GDF11: variants seen among roughly 807,000 people sequenced by gnomAD.
GDF11 encodes growth differentiation factor 11.
GDF11 carries 12 observed loss-of-function variants against 34.4 expected under a neutral mutation model. The observed-to-expected ratio is 0.35, with a 90% CI of 0.22 to 0.57. The LOEUF (loss-of-function observed/expected upper bound fraction) is 0.57. GDF11 is among the 20% of genes least tolerant of loss of function. GDF11 has a pLI of 0.86. For missense variants in GDF11, 346 were observed against 548.2 expected (o/e 0.63, Z 3.68); for synonymous variants, 212 against 231.1 (o/e 0.92, Z 0.75).
Position 55,748,505 on chromosome 12 carries a change from C to A in GDF11, c.446-81C>A. Reference sequence around the variant, plus strand: ...AACTGGAAAATCAGGCTGAGAAGTCCAAAATTGCCAGTGCCACCCAGGACT... The same window carrying A: ...AACTGGAAAATCAGGCTGAGAAGTCAAAAATTGCCAGTGCCACCCAGGACT... On this transcript the variant is annotated intron_variant, in intron 1 of 2. Transcript: ENST00000257868. This position sits in a 1 kb window ranked among gnomAD's most constrained non-coding sequence, Gnocchi z 5.6. 7.3e-7 allele frequency: 1 copy of A among 1,361,846 alleles called. No homozygotes were observed. The highest frequency in any genetic ancestry group is 1.4e-5 in the African/African-American group (1 of 68,990). The allele number at this position is 1,361,846 out of a possible 1,614,324, so 84.4% of individuals were successfully genotyped here.
rs774447191 is a variant in GDF11, at chr12:55,754,039, G to A, written c.*4157G>A. On this transcript the variant is annotated 3_prime_UTR_variant, in exon 3 of 3. Coordinates refer to ENST00000257868, the MANE Select transcript of GDF11 (RefSeq NM_005811.5). ...CCAGAATTGGGGACAGCGCTACTGC[G>A]GGTTCAATGTACTGCCATGTTTTCC... is the stretch of plus-strand genomic sequence containing the variant. The A allele has an allele frequency of 6.6e-5, 10 of 152,158 alleles. No homozygotes were observed. Among genetic ancestry groups the A allele is most frequent in the African/African-American group, 1.2e-4 (5 of 41,412 alleles). The allele number at this position is 152,158 out of a possible 1,614,324, so 9.4% of individuals were successfully genotyped here. A position where few individuals can be genotyped will look rare whatever the true frequency, so the allele number is the denominator to read the frequency against.
Position 55,749,540 on chromosome 12 carries a change from A to C in GDF11, c.882A>C (p.Lys294Asn). The C allele has an allele frequency of 6.2e-7, 1 of 1,613,190 alleles. No homozygotes were observed. Among genetic ancestry groups the C allele is most frequent in the Non-Finnish European group, 8.5e-7 (1 of 1,179,342 alleles). The change falls in exon 3 of 3, where the codon AAA becomes AAC. Residue 294 changes from lysine to asparagine, a missense_variant. Coordinates refer to ENST00000257868, the MANE Select transcript of GDF11 (RefSeq NM_005811.5). This position sits in a 1 kb window ranked among gnomAD's most constrained non-coding sequence, Gnocchi z 5.6. Reference sequence around the variant, plus strand: ...AGCTTCGAGTCCTAGAGAACACAAAACGTTCCCGGCGGAACCTGGGTCTGG... The same window carrying C: ...AGCTTCGAGTCCTAGAGAACACAAACCGTTCCCGGCGGAACCTGGGTCTGG... Reference protein sequence around the residue: ...FMELRVLENTKRSRRNLGLDC... With the variant: ...FMELRVLENTNRSRRNLGLDC...
intron 1 of GDF11, among the ~76,000 whole-genome samples, chr12:55,747,412 A>G (rs566983499): frequency 3.3e-5 from 5 of 152,304 alleles, no homozygotes; most frequent in African/African-American, 1.2e-4. Flanking sequence ...AAGAGCTGAC[A>G]GGACACCCTA....
In GDF11 at chr12:55,752,252, T is replaced by C. The variant is rs149156154; in HGVS notation, c.*2370T>C. 176 of 152,104 alleles carry C rather than the reference T, an allele frequency of 1.2e-3. No homozygotes were observed. Among genetic ancestry groups the C allele is most frequent in the African/African-American group, 4.1e-3 (171 of 41,490 alleles). The allele number at this position is 152,104 out of a possible 1,614,324, so 9.4% of individuals were successfully genotyped here. Reference sequence around the variant, plus strand: ...CCTCGTGATCTTGGCAGAGTAGGGATTGGGCAATAAGCATCAGGTATCTTC... The same window carrying C: ...CCTCGTGATCTTGGCAGAGTAGGGACTGGGCAATAAGCATCAGGTATCTTC... On this transcript the variant is annotated 3_prime_UTR_variant, in exon 3 of 3. Coordinates refer to ENST00000257868, the MANE Select transcript of GDF11 (RefSeq NM_005811.5).
In GDF11 at chr12:55,749,942, C is replaced by G; in HGVS notation, c.*60C>G. 1 of 1,430,454 alleles carries G rather than the reference C, an allele frequency of 7.0e-7. No individual in the cohort carries two copies. Among genetic ancestry groups the G allele is most frequent in the South Asian group, 1.3e-5 (1 of 78,776 alleles). The allele number at this position is 1,430,454 out of a possible 1,614,324, so 88.6% of individuals were successfully genotyped here. A position where few individuals can be genotyped will look rare whatever the true frequency, so the allele number is the denominator to read the frequency against. On this transcript the variant is annotated 3_prime_UTR_variant, in exon 3 of 3. Transcript: ENST00000257868. This position sits in a 1 kb window ranked among gnomAD's most constrained non-coding sequence, Gnocchi z 5.6. ...TACCCCAAGACCCCTAGCCCTGCCC[C>G]CATCCCCCCAAGCCCTAGAGCTCCC...
At position 55,748,101 on chromosome 12, in the gene GDF11, CCT is replaced by C. The variant is rs947200197; in HGVS notation, c.446-480_446-479del. ...TCCCTATCTGGACCCTGGGTTATCC[CCT>C]CTCTGAGGCCATCTGTGTTATTTTG... On this transcript the variant is annotated intron_variant, in intron 1 of 2. Coordinates refer to ENST00000257868, the MANE Select transcript of GDF11 (RefSeq NM_005811.5). The surrounding 1 kb of genome is among the most constrained non-coding windows in gnomAD (Gnocchi z 5.6). Among the ~76,000 whole-genome samples the C allele has an allele frequency of 6.6e-6, 1 of 152,194 alleles. No homozygotes were observed. The highest frequency in any genetic ancestry group is 1.5e-5 in the Non-Finnish European group (1 of 68,044).
chr12:55,743,808 C>A, intron 1 of GDF11, 47 bp downstream of exon 1: 1 of 1,412,250 alleles, frequency 7.1e-7, no homozygotes, highest in South Asian at 1.4e-5. Context: ...GCTCTGGCCC[C>A]GCGAAGGGCG....
intron 1 of GDF11, among the ~76,000 whole-genome samples, chr12:55,745,897 C>A (rs1236030005): frequency 6.6e-6 from 1 of 151,902 alleles, no homozygotes; most frequent in Admixed American, 6.6e-5. Flanking sequence ...GTTTCTCTCT[C>A]CTCCCCACAC....
At position 55,754,460 on chromosome 12, in the gene GDF11, C is replaced by T. The variant is rs557231072; in HGVS notation, c.*4578C>T. The T allele has an allele frequency of 6.6e-6, 1 of 152,298 alleles. No homozygotes were observed. The highest frequency in any genetic ancestry group is 1.9e-4 in the East Asian group (1 of 5,194). 9.4% of individuals were successfully genotyped at this position (152,298 alleles called of 1,614,324 possible). On this transcript the variant is annotated 3_prime_UTR_variant, in exon 3 of 3. Transcript: ENST00000257868. ...TGTAGTGGCGTAGAAGCAGGAAAAT[C>T]AATGCTCCAAAGCAACAATGTCCAG... is the stretch of plus-strand genomic sequence containing the variant.
In GDF11 at chr12:55,749,993, C is replaced by CGTTCCCCGACCAA; in HGVS notation, c.*113_*125dup. 2 of 930,674 alleles carry CGTTCCCCGACCAA rather than the reference C, an allele frequency of 2.1e-6. No individual in the cohort carries two copies. Among genetic ancestry groups the CGTTCCCCGACCAA allele is most frequent in the South Asian group, 1.6e-5 (1 of 62,370 alleles). 57.7% of individuals were successfully genotyped at this position (930,674 alleles called of 1,614,324 possible). A position where few individuals can be genotyped will look rare whatever the true frequency, so the allele number is the denominator to read the frequency against. ...TCCACTCTTCCCGCGAACATCACAC[C>CGTTCCCCGACCAA]GTTCCCCGACCAAGCCGTGTGCAAT... On this transcript the variant is annotated 3_prime_UTR_variant, in exon 3 of 3. Transcript: ENST00000257868. This position sits in a 1 kb window ranked among gnomAD's most constrained non-coding sequence, Gnocchi z 5.6.
Position 55,752,563 on chromosome 12 carries a change from CT to C in GDF11, c.*2682del, listed in dbSNP as rs1284417855. The C allele has an allele frequency of 1.3e-5, 2 of 152,194 alleles. No individual in the cohort carries two copies. The highest frequency in any genetic ancestry group is 4.8e-5 in the African/African-American group (2 of 41,428). 9.4% of individuals were successfully genotyped at this position (152,194 alleles called of 1,614,324 possible). ...ATGTGTGTGGACCTGGCCAGTGCCC[CT>C]CTGAACATATCATTATTAGTGTAAT... On this transcript the variant is annotated 3_prime_UTR_variant, in exon 3 of 3. Coordinates refer to ENST00000257868, the MANE Select transcript of GDF11 (RefSeq NM_005811.5).
chr12:55,753,617 A>C lies in GDF11; in HGVS notation c.*3735A>C, dbSNP rs1326674882. ...AAACCTCATCTCTACTAAAATACCC[A>C]AAATTAGCCGGGCGTGGTGGCGTGC... On this transcript the variant is annotated 3_prime_UTR_variant, in exon 3 of 3. Coordinates refer to ENST00000257868, the MANE Select transcript of GDF11 (RefSeq NM_005811.5). The C allele has an allele frequency of 1.3e-5, 2 of 152,050 alleles. No individual in the cohort carries two copies. The highest frequency in any genetic ancestry group is 2.9e-5 in the Non-Finnish European group (2 of 68,030). The allele number at this position is 152,050 out of a possible 1,614,324, so 9.4% of individuals were successfully genotyped here.
rs757433443 is a variant in GDF11 at position 55,749,993 on chromosome 12, C to T, written c.*111C>T. The T allele has an allele frequency of 7.9e-4, 733 of 930,552 alleles. 1 individual carries two copies. The highest frequency in any genetic ancestry group is 1.1e-3 in the Non-Finnish European group (649 of 615,628). 57.6% of individuals were successfully genotyped at this position (930,552 alleles called of 1,614,324 possible). ...TCCACTCTTCCCGCGAACATCACAC[C>T]GTTCCCCGACCAAGCCGTGTGCAAT... is the stretch of plus-strand genomic sequence containing the variant. On this transcript the variant is annotated 3_prime_UTR_variant, in exon 3 of 3. Transcript: ENST00000257868. This position sits in a 1 kb window ranked among gnomAD's most constrained non-coding sequence, Gnocchi z 5.6.
chr12:55,748,705 C>G lies in GDF11; in HGVS notation c.565C>G (p.Arg189Gly), dbSNP rs753523328. 4 of 1,614,142 alleles carry G rather than the reference C, an allele frequency of 2.5e-6. No individual in the cohort carries two copies. The highest frequency in any genetic ancestry group is 3.3e-5 in the Admixed American group (2 of 60,012). The change falls in exon 2 of 3, where the codon CGC (arginine) becomes GGC (glycine). Residue 189 changes from arginine to glycine, a missense_variant. Transcript: ENST00000257868. The surrounding 1 kb of genome is among the most constrained non-coding windows in gnomAD (Gnocchi z 5.6). ...GTGGGTGTACCTACGGCCTGTACCC[C>G]GCCCAGCCACAGTCTACCTGCAGAT... ...QLWVYLRPVP[R>G]PATVYLQILR...
chr12:55,743,794 G>A, intron 1 of GDF11, 33 bp downstream of exon 1: 2 of 1,468,632 alleles, frequency 1.4e-6, no homozygotes, highest in Non-Finnish European at 1.8e-6. Flanking sequence ...GCAGTGGGGT[G>A]CTGGCTCTGG....
In GDF11 at chr12:55,748,587, G is replaced by A. The variant is rs753289736; in HGVS notation, c.447G>A (p.Thr149=). ...TGCTGTGCCCTTCTCTCTTATCAGC[G>A]GACCCAGCAGTACAGACAGATGGCA... The part of the protein sequence containing the change: ...TETVISMAQE[T]DPAVQTDGSP... Residue 149 remains threonine (T), a splice_region_variant and synonymous_variant, in exon 2 of 3, where the codon ACG becomes ACA. Transcript: ENST00000257868. The surrounding 1 kb of genome is among the most constrained non-coding windows in gnomAD (Gnocchi z 5.6). 8 of 1,604,088 alleles carry A rather than the reference G, an allele frequency of 5.0e-6. No homozygotes were observed. Among genetic ancestry groups the A allele is most frequent in the Admixed American group, 1.7e-5 (1 of 59,400 alleles).
Position 55,756,758 on chromosome 12 carries a change from A to G in GDF11, c.*6876A>G, listed in dbSNP as rs1878517677. On this transcript the variant is annotated 3_prime_UTR_variant, in exon 3 of 3. Transcript: ENST00000257868. Reference sequence around the variant, plus strand: ...CTCTGACATCCTCTGTCATGCTTTGATTCTGCATACAAAATTTCTTCTGTC... The same window carrying G: ...CTCTGACATCCTCTGTCATGCTTTGGTTCTGCATACAAAATTTCTTCTGTC... The G allele has an allele frequency of 6.6e-6, 1 of 152,196 alleles. No individual in the cohort carries two copies. The highest frequency in any genetic ancestry group is 1.5e-5 in the Non-Finnish European group (1 of 68,040). The allele number at this position is 152,196 out of a possible 1,614,324, so 9.4% of individuals were successfully genotyped here.
chr12:55,744,679 CCTT>C (rs1878142457), intron 1 of GDF11, among the ~76,000 whole-genome samples: 1 of 150,274 alleles, frequency 6.7e-6, no homozygotes, highest in East Asian at 2.0e-4. Context: ...TCAGGTGACT[CCTT>C]CTCCTCCCCC....
Position 55,743,767 on chromosome 12 carries a change from TG to T in GDF11, c.445+9del. ...CATTAGCATGGCCCAGGAGAGTAAGTGGGCTGCGGGGCGCGAGCAGTGGGGT... is the reference window on the plus strand; with the variant it reads ...CATTAGCATGGCCCAGGAGAGTAAGTGGCTGCGGGGCGCGAGCAGTGGGGT... On this transcript the variant is annotated splice_region_variant and intron_variant, in intron 1 of 2. Coordinates refer to ENST00000257868, the MANE Select transcript of GDF11 (RefSeq NM_005811.5). 1 of 1,525,580 alleles carries T rather than the reference TG, an allele frequency of 6.6e-7. No homozygotes were observed. Among genetic ancestry groups the T allele is most frequent in the Non-Finnish European group, 8.8e-7 (1 of 1,136,946 alleles). The allele number at this position is 1,525,580 out of a possible 1,614,324, so 94.5% of individuals were successfully genotyped here.
Sources: gnomAD v4.1 joint callset for allele counts (sites outside exome capture counted in the v4.1 genomes callset) on GRCh38, gnomAD v4.1.1 for gene constraint, Gnocchi (gnomAD v3.1) non-coding constraint, MANE v1.5 for transcripts, NCBI Gene and HGNC (gene_info 2026-07-23, HGNC 2026-07-21) for gene names.